Variants in GLB1 observed in about 807,000 individuals in gnomAD.
GLB1 encodes the protein beta-galactosidase.
A neutral mutation model predicts 74.0 loss-of-function variants in GLB1; 56 were observed. The observed-to-expected ratio is 0.76, with a 90% confidence interval of 0.61 to 0.94. The LOEUF (loss-of-function observed/expected upper bound fraction) is 0.94. Ranked by LOEUF, GLB1 falls within the 40% of genes least tolerant of loss-of-function variation. GLB1 has a pLI of 0.00. For missense variants in GLB1, 787 were observed against 845.5 expected, an observed-to-expected ratio of 0.93 and a Z score of 0.86; for synonymous variants, 323 against 323.6, an observed-to-expected ratio of 1.00 and a Z score of 0.02.
At chr3:33,028,822 C>T (rs1005748873) in intron 10 of GLB1, among the ~76,000 whole-genome samples, 28 of 152,044 alleles carry the variant, frequency 1.8e-4, no homozygotes, top group African/African-American at 5.3e-4. Context: ...TGCACCACCA[C>T]GCCTGGCTAA....
At chr3:32,994,084 A>C (rs1696266940), downstream of GLB1, among the ~76,000 whole-genome samples, 1 of 152,218 alleles carries the variant, frequency 6.6e-6, no homozygotes, top group African/African-American at 2.4e-5. Context: ...TATCTATCCA[A>C]GAGAAATGAA....
rs1036064362 is a variant in GLB1 at position 33,093,230 on chromosome 3, C to CCCACTG, written c.75+3775_75+3780dup. ...AGCAGATCCAGTCCTCATCCTCACTCCCACTGCCACTGCCACCACCACCAC... is the reference window on the plus strand; with the variant it reads ...AGCAGATCCAGTCCTCATCCTCACTCCCACTGCCACTGCCACTGCCACCACCACCAC... On this transcript the variant is annotated intron_variant, in intron 1 of 15. Coordinates refer to ENST00000307363, the MANE Select transcript of GLB1 (RefSeq NM_000404.4). This position sits in a 1 kb window ranked among gnomAD's most constrained non-coding sequence, Gnocchi z 6.0. The CCCACTG allele has an allele frequency of 3.0e-5, 48 of 1,613,986 alleles. No individual in the cohort carries two copies. Among genetic ancestry groups the CCCACTG allele is most frequent in the South Asian group, 4.4e-5 (4 of 91,066 alleles).
intron 15 of GLB1, among the ~76,000 whole-genome samples, chr3:33,010,298 T>C (rs2125458441): frequency 6.6e-6 from 1 of 152,338 alleles, no homozygotes; most frequent in Admixed American, 6.5e-5. Context: ...TGTGAAGTAG[T>C]ATTTCATTTT....
Position 33,093,900 on chromosome 3 carries a change from C to G in GLB1, c.75+3111G>C, listed in dbSNP as rs1266099614. The G allele has an allele frequency of 3.7e-6, 6 of 1,613,894 alleles. No homozygotes were observed. The highest frequency in any genetic ancestry group is 5.1e-6 in the Non-Finnish European group (6 of 1,179,978). ...CACTAAAAAGAACATGGTAAAGAAACTGGAATGGGCCAGGGCCAGAAATGC... is the reference window on the plus strand; with the variant it reads ...CACTAAAAAGAACATGGTAAAGAAAGTGGAATGGGCCAGGGCCAGAAATGC... On this transcript the variant is annotated intron_variant, in intron 1 of 15. Transcript: ENST00000307363. The surrounding 1 kb of genome is among the most constrained non-coding windows in gnomAD (Gnocchi z 6.0).
intron 12 of GLB1, among the ~76,000 whole-genome samples, chr3:33,020,804 A>C (rs1697437851): frequency 6.6e-6 from 1 of 152,210 alleles, no homozygotes; most frequent in Non-Finnish European, 1.5e-5. Context: ...GTGGTTCTGC[A>C]GGATAATGTT....
Position 33,018,493 on chromosome 3 carries a change from T to G in GLB1, c.1302A>C (p.Ser434=), listed in dbSNP as rs774701930. 1 of 1,613,682 alleles carries G rather than the reference T, an allele frequency of 6.2e-7. No individual in the cohort carries two copies. The highest frequency in any genetic ancestry group is 8.5e-7 in the Non-Finnish European group (1 of 1,179,962). Reference sequence around the variant, plus strand: ...CTCGATCGTGGACTCCATTGAGGGGTGAAGAGAGAGGTGCTGGGTTGCTGC... The same window carrying G: ...CTCGATCGTGGACTCCATTGAGGGGGGAAGAGAGAGGTGCTGGGTTGCTGC... The part of the protein sequence containing the change: ...QDCSNPAPLS[S]PLNGVHDRAY... Residue 434 remains serine (S), a synonymous_variant, in exon 13 of 16, where the codon TCA becomes TCC. Transcript: ENST00000307363.
At position 33,065,484 on chromosome 3, in the gene GLB1, T is replaced by C; in HGVS notation, c.531A>G (p.Gly177=). The C allele has an allele frequency of 1.3e-6, 2 of 1,584,674 alleles. No homozygotes were observed. Among genetic ancestry groups the C allele is most frequent in the South Asian group, 1.1e-5 (1 of 87,438 alleles). ...PKMKPLLYQN[G]GPVITVQVEN... is the part of the protein sequence containing the mutation. ...TTACCTGCACTGTTATAACTGGCCC[T>C]CCATTCTGATAGAGGAGAGGCTTCA... The change falls in exon 5 of 16, where the codon GGA becomes GGG. Residue 177 remains glycine (G), a synonymous_variant. Transcript: ENST00000307363.
chr3:33,014,202 G>C lies in GLB1; in HGVS notation c.1588C>G (p.Arg530Gly), dbSNP rs371397760. ...GCTTCATCATGGTGGCCACTGTCAC[G>C]GTGTCCCCAGCCCCCCAGGTGGCTG... is the stretch of plus-strand genomic sequence containing the variant. Reference protein sequence around the residue: ...VCSHLGGWGHRDSGHHDEAWA... With the variant: ...VCSHLGGWGHGDSGHHDEAWA... Residue 530 changes from arginine to glycine, a missense_variant, in exon 15 of 16, where the codon CGT becomes GGT. Physicochemically the swap from Arg to Gly is moderately radical, Grantham distance 125 (BLOSUM62 -2). Coordinates refer to ENST00000307363, the MANE Select transcript of GLB1 (RefSeq NM_000404.4). The C allele has an allele frequency of 6.2e-7, 1 of 1,614,168 alleles. No individual in the cohort carries two copies. The highest frequency in any genetic ancestry group is 1.1e-5 in the South Asian group (1 of 91,076).
intron 2 of GLB1, among the ~76,000 whole-genome samples, chr3:33,069,376 C>A (rs1467230432): frequency 6.6e-6 from 1 of 151,930 alleles, no homozygotes; most frequent in Non-Finnish European, 1.5e-5. Context: ...CAGAGTGAGA[C>A]CCTGTGTCAA....
chr3:33,034,304 G>A (rs1444620245), intron 10 of GLB1: 3 of 734,784 alleles, frequency 4.1e-6, no homozygotes, highest in African/African-American at 3.5e-5. Flanking sequence ...GATCAACAAC[G>A]CTTACACCAT....
At chr3:33,067,002 CTTTTTTT>C (rs63579460) in intron 4 of GLB1, among the ~76,000 whole-genome samples, 1 of 135,474 alleles carries the variant, frequency 7.4e-6, no homozygotes, top group African/African-American at 2.7e-5. Flanking sequence ...GTTTTTATTT[CTTTTTTT>C]TTTTTTTTTT....
chr3:33,042,312 G>C (rs1397925134), intron 10 of GLB1, among the ~76,000 whole-genome samples: 2 of 150,152 alleles, frequency 1.3e-5, no homozygotes, highest in African/African-American at 4.9e-5. Flanking sequence ...TCTTATAATG[G>C]CCTGTAATGC....
intron 10 of GLB1, among the ~76,000 whole-genome samples, chr3:33,027,307 G>A (rs1697811033): frequency 6.6e-6 from 1 of 152,246 alleles, no homozygotes; most frequent in Non-Finnish European, 1.5e-5. Context: ...GTCTGACCGT[G>A]CACAGTGGCT....
chr3:33,003,079 G>A (rs1466201771), intron 15 of GLB1, among the ~76,000 whole-genome samples: 2 of 152,186 alleles, frequency 1.3e-5, no homozygotes, highest in African/African-American at 2.4e-5. Flanking sequence ...CTCTGCAGCT[G>A]ACGCAAATCA....
chr3:33,041,388 A>C (rs536681714), intron 10 of GLB1, among the ~76,000 whole-genome samples: 26 of 152,326 alleles, frequency 1.7e-4, no homozygotes, highest in African/African-American at 6.0e-4. Context: ...GAGGCCGGGC[A>C]TGGTGGCTCA....
Position 33,093,703 on chromosome 3 carries a change from T to TG in GLB1, c.75+3307dup, listed in dbSNP as rs1700875138. 1 of 1,614,046 alleles carries TG rather than the reference T, an allele frequency of 6.2e-7. No individual in the cohort carries two copies. On this transcript the variant is annotated intron_variant, in intron 1 of 15. Transcript: ENST00000307363. This position sits in a 1 kb window ranked among gnomAD's most constrained non-coding sequence, Gnocchi z 6.0. ...GTCACTCCCACTGCCAGGGCAGGCCTGAGCACGAGCTTCCTTGTCTTCTCA... is the reference window on the plus strand; with the variant it reads ...GTCACTCCCACTGCCAGGGCAGGCCTGGAGCACGAGCTTCCTTGTCTTCTCA...
intron 1 of GLB1, 149 bp from the exon 2 acceptor site, chr3:33,072,862 C>A: frequency 7.4e-7 from 1 of 1,342,910 alleles, no homozygotes; most frequent in East Asian, 2.5e-5. Flanking sequence ...ATCATACAAA[C>A]CATTGCTAAG....
chr3:33,018,026 G>A (rs556267163), intron 13 of GLB1, among the ~76,000 whole-genome samples: 1 of 152,250 alleles, frequency 6.6e-6, no homozygotes, highest in Admixed American at 6.5e-5. Context: ...GGTCATGCCT[G>A]TAATCCCAGC....
chr3:32,999,615 G>T (rs1263665799), intron 15 of GLB1, among the ~76,000 whole-genome samples: 7 of 152,158 alleles, frequency 4.6e-5, no homozygotes, highest in Non-Finnish European at 1.0e-4. Flanking sequence ...ATGGTTCTGG[G>T]TTAGCGTTGG....
Sources: gnomAD v4.1 joint callset for allele counts (sites outside exome capture counted in the v4.1 genomes callset) on GRCh38, gnomAD v4.1.1 for gene constraint, Gnocchi (gnomAD v3.1) non-coding constraint, MANE v1.5 for transcripts, NCBI Gene and HGNC (gene_info 2026-07-23, HGNC 2026-07-21) for gene names.